The following MGAT4C variants were observed in gnomAD, a reference collection of about 807,000 sequenced individuals.
MGAT4C encodes the protein MGAT4 family member C, also known as alpha-1,3-mannosyl-glycoprotein 4-beta-N-acetylglucosaminyltransferase C.
In MGAT4C, 19 loss-of-function variants were observed where a neutral mutation model predicts 40.1. The ratio of observed to expected loss-of-function variants is 0.47; its 90% CI spans 0.33 to 0.70. The LOEUF is 0.70. MGAT4C is among the 30% of genes least tolerant of loss of function. The probability of loss-of-function intolerance (pLI) is 0.02; values close to 1 mark genes in which losing one functional copy is unlikely to be tolerated. For synonymous variants in MGAT4C, 181 were observed against 187.1 expected (o/e 0.97, Z 0.27); for missense variants, 491 against 563.2 (o/e 0.87, Z 1.30).
At chr12:86,409,042 T>G (rs757962263) in intron 3 of MGAT4C, among the ~76,000 whole-genome samples, 27 of 152,100 alleles carry the variant, frequency 1.8e-4, no homozygotes, top group Non-Finnish European at 3.4e-4. Flanking sequence ...GTAAGGAAAC[T>G]AAATATCTAA....
At chr12:86,367,476 G>A (rs1346613306) in intron 3 of MGAT4C, among the ~76,000 whole-genome samples, 1 of 152,074 alleles carries the variant, frequency 6.6e-6, no homozygotes, top group Non-Finnish European at 1.5e-5. Context: ...CCAAGCCTCC[G>A]CTGAATGCTT....
At chr12:86,653,372 C>A (rs2136537883) in intron 2 of MGAT4C, among the ~76,000 whole-genome samples, 1 of 151,944 alleles carries the variant, frequency 6.6e-6, no homozygotes, top group African/African-American at 2.4e-5. Flanking sequence ...ACAAAACTGT[C>A]CATTCCACAA....
chr12:86,703,627 T>C (rs1950402123), intron 2 of MGAT4C, among the ~76,000 whole-genome samples: 2 of 152,168 alleles, frequency 1.3e-5, no homozygotes, highest in Non-Finnish European at 2.9e-5. Context: ...GCACACATAA[T>C]AGACTACAGT....
rs191410231 is a variant in MGAT4C, at chr12:86,301,396, T to G, written c.-57+32669A>C. On this transcript the variant is annotated intron_variant, in intron 4 of 7. Transcript: ENST00000548651. ...CAATTTGCTTGGAAAATGGTTTCTATTTTACACATCATAGAAAGTCAATTC... is the reference window on the plus strand; with the variant it reads ...CAATTTGCTTGGAAAATGGTTTCTAGTTTACACATCATAGAAAGTCAATTC... Among the ~76,000 whole-genome samples the G allele has an allele frequency of 2.1e-3, 320 of 152,320 alleles. 1 individual carries two copies. The highest frequency in any genetic ancestry group is 7.3e-3 in the African/African-American group (304 of 41,590).
At chr12:86,344,717 GGTGTGT>G (rs71076188) in intron 3 of MGAT4C, among the ~76,000 whole-genome samples, 1,675 of 139,484 alleles carry the variant, frequency 0.012, 16 homozygotes, top group African/African-American at 0.028. Flanking sequence ...ATCTCTTCTC[GGTGTGT>G]GTGTGTGTGT....
At chr12:86,150,165 T>A (rs1171695319) in intron 1 of MGAT4C, among the ~76,000 whole-genome samples, 1 of 152,132 alleles carries the variant, frequency 6.6e-6, no homozygotes, top group Non-Finnish European at 1.5e-5. Flanking sequence ...CACAATAGTG[T>A]TCTTGCTCCT....
intron 1 of MGAT4C, among the ~76,000 whole-genome samples, chr12:86,213,729 A>G (rs1186979249): frequency 6.6e-6 from 1 of 152,232 alleles, no homozygotes; most frequent in Non-Finnish European, 1.5e-5. Flanking sequence ...ACTGCATAGC[A>G]TATGCTAACA....
At chr12:86,237,554 A>G (rs1053235654) in intron 1 of MGAT4C, among the ~76,000 whole-genome samples, 5 of 152,068 alleles carry the variant, frequency 3.3e-5, no homozygotes, top group Middle Eastern at 3.4e-3. Flanking sequence ...AATCAGGCTC[A>G]AAGAGCAGAC....
chr12:86,649,115 G>A (rs1963626221), intron 2 of MGAT4C, among the ~76,000 whole-genome samples: 3 of 151,672 alleles, frequency 2.0e-5, no homozygotes, highest in African/African-American at 7.3e-5. Context: ...CCAGATTTCT[G>A]TTTGCTCTCA....
chr12:86,305,664 A>G (rs1227814402), intron 4 of MGAT4C, among the ~76,000 whole-genome samples: 4 of 150,302 alleles, frequency 2.7e-5, no homozygotes, highest in African/African-American at 1.0e-4. Context: ...TTTTATGTTA[A>G]GTGGTGCAGT....
chr12:86,297,962 A>G (rs1000243859), intron 4 of MGAT4C, among the ~76,000 whole-genome samples: 3 of 152,174 alleles, frequency 2.0e-5, no homozygotes, highest in Non-Finnish European at 4.4e-5. Context: ...ATGATTTACT[A>G]TGTGAAAACA....
At chr12:86,412,189 C>T (rs758282095) in intron 3 of MGAT4C, among the ~76,000 whole-genome samples, 2 of 152,148 alleles carry the variant, frequency 1.3e-5, no homozygotes, top group African/African-American at 4.8e-5. Flanking sequence ...GGGTTGGAGG[C>T]CCCCCACAGA....
At chr12:86,022,626 G>A (rs1939683314) in intron 2 of MGAT4C, 1 of 152,194 alleles carries the variant, frequency 6.6e-6, no homozygotes, top group South Asian at 2.1e-4. Context: ...TAAGACAGAG[G>A]ATCACTTGAG....
At chr12:86,001,617 T>C (rs1020494031) in intron 2 of MGAT4C, 29 of 983,314 alleles carry the variant, frequency 2.9e-5, no homozygotes, top group Middle Eastern at 5.2e-4. Flanking sequence ...AGAGCCTGAG[T>C]ACACTATACA....
At chr12:86,487,237 C>A (rs1958035597) in intron 2 of MGAT4C, among the ~76,000 whole-genome samples, 1 of 152,148 alleles carries the variant, frequency 6.6e-6, no homozygotes. Flanking sequence ...CATTCCTACT[C>A]CTAACTAGTG....
intron 2 of MGAT4C, among the ~76,000 whole-genome samples, chr12:86,556,783 C>A (rs968557088): frequency 1.3e-5 from 2 of 152,142 alleles, no homozygotes; most frequent in African/African-American, 4.8e-5. Flanking sequence ...ATGAAGATGG[C>A]ATTTTCTGAA....
chr12:86,508,612 T>A (rs1205358417), intron 2 of MGAT4C, among the ~76,000 whole-genome samples: 1 of 151,990 alleles, frequency 6.6e-6, no homozygotes. Flanking sequence ...TTTCTAGTTC[T>A]AGATCCCTGA....
chr12:86,708,014 G>A (rs930010018), intron 2 of MGAT4C, among the ~76,000 whole-genome samples: 2 of 152,200 alleles, frequency 1.3e-5, no homozygotes, highest in Non-Finnish European at 2.9e-5. Context: ...ATTTGCATAA[G>A]TAACAAGGAG....
chr12:86,837,642 A>G (rs1227400370), intron 1 of MGAT4C, among the ~76,000 whole-genome samples: 1 of 149,466 alleles, frequency 6.7e-6, no homozygotes, highest in African/African-American at 2.6e-5. Flanking sequence ...TTTAACACAG[A>G]AAAACAGCAA....
Sources: gnomAD v4.1 joint callset for allele counts (sites outside exome capture counted in the v4.1 genomes callset) on GRCh38, gnomAD v4.1.1 for gene constraint, MANE v1.5 for transcripts, NCBI Gene and HGNC (gene_info 2026-07-23, HGNC 2026-07-21) for gene names.